PCDHGA7: variants seen among roughly 807,000 people sequenced by gnomAD.
PCDHGA7 encodes the protein protocadherin gamma subfamily A, 7, also known as protocadherin gamma-A7.
A neutral mutation model predicts 58.3 loss-of-function variants in PCDHGA7; 44 were observed. That is an observed-to-expected ratio of 0.75 (90% CI 0.59 to 0.97). The LOEUF (loss-of-function observed/expected upper bound fraction) is 0.97. PCDHGA7 is among the 50% of genes least tolerant of loss of function. The probability of loss-of-function intolerance (pLI) is 0.00; values close to 1 mark genes in which losing one functional copy is unlikely to be tolerated. For missense variants in PCDHGA7, 1,266 were observed against 1,188.7 expected (o/e 1.06, Z -0.96); for synonymous variants, 516 against 504.2 (o/e 1.02, Z -0.31).
intron 1 of PCDHGA7, chr5:141,403,792 A>G: frequency 1.2e-6 from 2 of 1,613,922 alleles, no homozygotes; most frequent in African/African-American, 1.3e-5. Context: ...TGGCATACAA[A>G]TTCTGGAAAA....
chr5:141,502,250 TA>T (rs2099813542), intron 2 of PCDHGA7, among the ~76,000 whole-genome samples: 1 of 152,242 alleles, frequency 6.6e-6, no homozygotes, highest in African/African-American at 2.4e-5. Flanking sequence ...TCCTTTTTTT[TA>T]ATCCAGGATT....
intron 1 of PCDHGA7, chr5:141,424,024 C>T: frequency 9.6e-7 from 1 of 1,045,488 alleles, no homozygotes; most frequent in Non-Finnish European, 1.2e-6. Flanking sequence ...GATTCACAAA[C>T]ACTTTTTATT....
Position 141,395,219 on chromosome 5 carries a change from T to G in PCDHGA7, c.2424+9896T>G, listed in dbSNP as rs1303078300. On this transcript the variant is annotated intron_variant, in intron 1 of 3. Coordinates refer to ENST00000518325, the MANE Select transcript of PCDHGA7 (RefSeq NM_018920.4). Reference sequence around the variant, plus strand: ...CCGTAGATTTTCATGAATATAAGAATGAAGCTGATCATGGTCAGGTGAGTT... The same window carrying G: ...CCGTAGATTTTCATGAATATAAGAAGGAAGCTGATCATGGTCAGGTGAGTT... 3.7e-6 allele frequency: 6 copies of G among 1,611,924 alleles called. No individual in the cohort carries two copies. In the African/African-American group the frequency reaches 4.0e-5, roughly 11 times the overall value.
At chr5:141,392,682 C>T in intron 1 of PCDHGA7, 2 of 1,035,550 alleles carry the variant, frequency 1.9e-6, no homozygotes, top group Non-Finnish European at 2.7e-6. Flanking sequence ...TGGACTGCAG[C>T]GAAACCCGAC....
intron 1 of PCDHGA7, chr5:141,484,949 A>G: frequency 1.8e-6 from 1 of 557,402 alleles, no homozygotes; most frequent in East Asian, 3.1e-5. Flanking sequence ...TGCTCAGCCT[A>G]TTGGCTGAGC....
intron 1 of PCDHGA7, among the ~76,000 whole-genome samples, chr5:141,434,824 A>ACTTG (rs1561875192): frequency 1.3e-5 from 2 of 151,888 alleles, no homozygotes; most frequent in African/African-American, 4.8e-5. Flanking sequence ...CCCTTAGTAC[A>ACTTG]CTTGGCATTT....
At chr5:141,419,449 C>T (rs780917543) in intron 1 of PCDHGA7, 5 of 1,612,958 alleles carry the variant, frequency 3.1e-6, no homozygotes, top group Non-Finnish European at 4.2e-6. Context: ...CCTTCGAGCT[C>T]ACGCTGCAGG....
At chr5:141,408,917 C>G in intron 1 of PCDHGA7, 1 of 1,613,366 alleles carries the variant, frequency 6.2e-7, no homozygotes, top group South Asian at 1.1e-5. Flanking sequence ...CAATGATAAC[C>G]CCCCGGTTTT....
At chr5:141,391,759 T>C (rs901291558) in intron 1 of PCDHGA7, 1 of 152,196 alleles carries the variant, frequency 6.6e-6, no homozygotes, top group Non-Finnish European at 1.5e-5. Context: ...GGCTTCTTAG[T>C]AAGTATTATA....
chr5:141,405,994 C>T (rs2094743060), intron 1 of PCDHGA7, among the ~76,000 whole-genome samples: 1 of 151,930 alleles, frequency 6.6e-6, no homozygotes, highest in African/African-American at 2.4e-5. Context: ...GGGTAGCTCT[C>T]AGCCTGCATT....
intron 1 of PCDHGA7, among the ~76,000 whole-genome samples, chr5:141,437,721 A>G (rs2097904045): frequency 6.6e-6 from 1 of 151,664 alleles, no homozygotes; most frequent in African/African-American, 2.4e-5. Flanking sequence ...TTACCCTCTA[A>G]TGTTACACTT....
chr5:141,505,405 C>T lies in PCDHGA7; in HGVS notation c.2496C>T (p.Gly832=), dbSNP rs745516568. 2.5e-6 allele frequency: 4 copies of T among 1,614,130 alleles called. No individual in the cohort carries two copies. The highest frequency in any genetic ancestry group is 3.3e-4 in the Middle Eastern group (2 of 6,062). ...QRPGTSGSQN[G]DDTGTWPNNQ... ...ACTCTCTCCCCAGCTCCCAAAATGG[C>T]GATGACACCGGCACCTGGCCCAACA... Residue 832 remains glycine (G), a synonymous_variant, in exon 3 of 4, where the codon GGC becomes GGT. Transcript: ENST00000518325.
chr5:141,476,137 G>A lies in PCDHGA7; in HGVS notation c.2425-18670G>A. The A allele has an allele frequency of 1.2e-6, 2 of 1,609,204 alleles. No homozygotes were observed. The highest frequency in any genetic ancestry group is 1.7e-6 in the Non-Finnish European group (2 of 1,178,592). On this transcript the variant is annotated intron_variant, in intron 1 of 3. Coordinates refer to ENST00000518325, the MANE Select transcript of PCDHGA7 (RefSeq NM_018920.4). The surrounding 1 kb of genome is among the most constrained non-coding windows in gnomAD (Gnocchi z 7.6). ...GTGAGATGGTCCCAGAGGCCTGGAGGAGCGGACTGGTAAGCACCGGGAGGG... is the reference window on the plus strand; with the variant it reads ...GTGAGATGGTCCCAGAGGCCTGGAGAAGCGGACTGGTAAGCACCGGGAGGG...
intron 1 of PCDHGA7, chr5:141,484,980 A>C (rs1387732109): frequency 1.7e-6 from 1 of 593,836 alleles, no homozygotes; most frequent in Admixed American, 3.1e-5. Flanking sequence ...CTGTCTGCCA[A>C]TCGGGTGGTG....
At chr5:141,419,104 C>T (rs756257411) in intron 1 of PCDHGA7, 75 of 1,613,732 alleles carry the variant, frequency 4.6e-5, no homozygotes, top group Non-Finnish European at 5.9e-5. Context: ...GGGAGCAGAC[C>T]CCAGAGTACA....
intron 1 of PCDHGA7, chr5:141,399,021 C>T (rs2093739749): frequency 1.2e-6 from 2 of 1,613,862 alleles, no homozygotes; most frequent in Non-Finnish European, 1.7e-6. Context: ...GAGAAATTAC[C>T]ACTCAAAAGA....
Position 141,418,592 on chromosome 5 carries a change from G to A in PCDHGA7, c.2424+33269G>A, listed in dbSNP as rs772314584. Reference sequence around the variant, plus strand: ...TGACAACCCCCCAGTGTTCAGCCAGGACGTGTACAGGGTTAGCCTTCGGGA... The same window carrying A: ...TGACAACCCCCCAGTGTTCAGCCAGAACGTGTACAGGGTTAGCCTTCGGGA... On this transcript the variant is annotated intron_variant, in intron 1 of 3. Transcript: ENST00000518325. 18 of 1,614,020 alleles carry A rather than the reference G, an allele frequency of 1.1e-5. No homozygotes were observed. The highest frequency in any genetic ancestry group is 1.5e-5 in the Non-Finnish European group (18 of 1,179,902).
At chr5:141,479,366 T>A (rs2099494042) in intron 1 of PCDHGA7, 1 of 152,302 alleles carries the variant, frequency 6.6e-6, no homozygotes, top group Non-Finnish European at 1.5e-5. Flanking sequence ...GTGCCTGAGG[T>A]GGGAGGATTG....
chr5:141,417,940 C>A, intron 1 of PCDHGA7: 2 of 1,613,054 alleles, frequency 1.2e-6, no homozygotes, highest in Non-Finnish European at 1.7e-6. Flanking sequence ...TGTTCTACCC[C>A]ACGCTGTGTG....
Sources: allele counts gnomAD v4.1 joint callset (sites outside exome capture counted in the v4.1 genomes callset), GRCh38; gene constraint gnomAD v4.1.1; non-coding constraint Gnocchi (gnomAD v3.1); transcripts MANE v1.5; gene names NCBI Gene and HGNC (gene_info 2026-07-23, HGNC 2026-07-21).